LRRN2: variants seen among roughly 807,000 people sequenced by gnomAD.
The protein encoded by LRRN2 is leucine-rich repeat neuronal protein 2.
Under a neutral mutation model 35.7 loss-of-function variants are expected in LRRN2, and 10 were observed. The observed-to-expected ratio is 0.28, with a 90% CI of 0.17 to 0.47. The LOEUF (loss-of-function observed/expected upper bound fraction) is 0.47, where lower values mean the gene tolerates loss of function less well. LRRN2 is among the 20% of genes least tolerant of loss of function. The pLI is 0.99. For missense variants in LRRN2, 731 were observed against 940.3 expected (o/e 0.78, Z 2.91); for synonymous variants, 391 against 409.6 (o/e 0.95, Z 0.55).
intron 1 of LRRN2, among the ~76,000 whole-genome samples, chr1:204,641,013 A>AAC (rs897957789): frequency 6.6e-6 from 1 of 151,780 alleles, no homozygotes; most frequent in East Asian, 1.9e-4. Context: ...AAGAAAAAAA[A>AAC]AAAACAAAAA....
At chr1:204,638,423 T>TTTTTTTTTTTG (rs766566982) in intron 1 of LRRN2, among the ~76,000 whole-genome samples, 1 of 138,904 alleles carries the variant, frequency 7.2e-6, no homozygotes, top group African/African-American at 2.7e-5. Context: ...TTTTTTTTTT[T>TTTTTTTTTTTG]TTTTTTGAGA....
intron 1 of LRRN2, among the ~76,000 whole-genome samples, chr1:204,646,618 G>T (rs1038116090): frequency 6.6e-6 from 1 of 152,160 alleles, no homozygotes; most frequent in African/African-American, 2.4e-5. Context: ...TCATGGGCCA[G>T]TCCAAACTGA....
intron 1 of LRRN2, 163 bp from the exon 2 acceptor site, chr1:204,620,381 C>T (rs1249544004): frequency 1.1e-5 from 3 of 271,450 alleles, no homozygotes; most frequent in Non-Finnish European, 2.1e-5. Context: ...TCAAGCGATT[C>T]TCCTGGCTCA....
At chr1:204,651,820 A>C (rs917404664) in intron 1 of LRRN2, among the ~76,000 whole-genome samples, 1 of 152,148 alleles carries the variant, frequency 6.6e-6, no homozygotes, top group African/African-American at 2.4e-5. Context: ...CTAGCTGAGG[A>C]TAGGTGAGAA....
Position 204,685,352 on chromosome 1 carries a change from TGCCCGCGCGGCCGC to T in LRRN2, c.-273_-260del, listed in dbSNP as rs1380827040. On this transcript the variant is annotated 5_prime_UTR_variant, in exon 1 of 2. Transcript: ENST00000367177. ...GCGCCGGGCACCGTCTGCCGTCTGC[TGCCCGCGCGGCCGC>T]GCTCCGCTCGCCTTCCGCCCGGGGC... 3.3e-5 allele frequency: 5 copies of T among 151,630 alleles called. No homozygotes were observed. The highest frequency in any genetic ancestry group is 7.4e-5 in the Non-Finnish European group (5 of 67,942). The allele number at this position is 151,630 out of a possible 1,614,324, so 9.4% of individuals were successfully genotyped here. A position where few individuals can be genotyped will look rare whatever the true frequency, so the allele number is the denominator to read the frequency against.
At chr1:204,649,828 T>C (rs917969921) in intron 1 of LRRN2, among the ~76,000 whole-genome samples, 2 of 151,800 alleles carry the variant, frequency 1.3e-5, no homozygotes, top group African/African-American at 4.8e-5. Flanking sequence ...ACCATGGCAG[T>C]AGGGGGTATG....
At chr1:204,657,956 C>CTTAGCCAAT (rs1668395343) in intron 1 of LRRN2, among the ~76,000 whole-genome samples, 1 of 146,554 alleles carries the variant, frequency 6.8e-6, no homozygotes, top group Non-Finnish European at 1.5e-5. Flanking sequence ...TCTAGTAAGC[C>CTTAGCCAAT]TTAGCCAATG....
At chr1:204,666,409 C>T (rs1313735144) in intron 1 of LRRN2, among the ~76,000 whole-genome samples, 1 of 152,260 alleles carries the variant, frequency 6.6e-6, no homozygotes, top group Non-Finnish European at 1.5e-5. Flanking sequence ...TACCCTCATT[C>T]AGTTGAGCTT....
In LRRN2 at chr1:204,618,516, C is replaced by T; in HGVS notation, c.1477G>A (p.Gly493Arg). ...TTCTGGGCCACACAGGTGTATAGCC[C>T]TGCCTCTTCTGCTGTCACCCTCCGC... ...ELRRVTAEEA[G>R]LYTCVAQNLV... The change falls in exon 2 of 2, where the codon GGG becomes AGG. Residue 493 changes from glycine to arginine, a missense_variant. Around this residue, in one of 3 missense-constraint regions of LRRN2, gnomAD observed 256 missense variants for 392.4 expected, o/e 0.65. Transcript: ENST00000367177. 6.2e-7 allele frequency: 1 copy of T among 1,614,228 alleles called. No homozygotes were observed. Among genetic ancestry groups the T allele is most frequent in the Non-Finnish European group, 8.5e-7 (1 of 1,180,034 alleles).
intron 1 of LRRN2, chr1:204,620,981 CTGGGA>C (rs936488713): frequency 1.6e-4 from 27 of 167,054 alleles, no homozygotes; most frequent in African/African-American, 6.3e-4. Context: ...CTTCTAAAAT[CTGGGA>C]TGGGCTCCCC....
intron 1 of LRRN2, chr1:204,629,841 A>T (rs1434694930): frequency 6.6e-6 from 1 of 152,464 alleles, no homozygotes; most frequent in Non-Finnish European, 1.5e-5. Context: ...GTCCTAAGCA[A>T]ATTCACGTAG....
rs1558407588 is a variant in LRRN2, at chr1:204,631,254, T to TTATATATA, written c.-226-11037_-226-11036insTATATATA. On this transcript the variant is annotated intron_variant, in intron 1 of 1. Coordinates refer to ENST00000367177, the MANE Select transcript of LRRN2 (RefSeq NM_201630.2). ...ACCAAGAAGAGTGATACCTAGAGTG[T>TTATATATA]TCTATATATATATATATATATATAT... Among the ~76,000 whole-genome samples the TTATATATA allele has an allele frequency of 4.0e-4, 4 of 9,910 alleles. 1 individual carries two copies. The highest frequency in any genetic ancestry group is 1.0e-3 in the African/African-American group (4 of 3,942). 6.5% of individuals were successfully genotyped at this position (9,910 alleles called of 152,430 possible).
chr1:204,678,625 C>A (rs1668874810), intron 1 of LRRN2, among the ~76,000 whole-genome samples: 1 of 152,054 alleles, frequency 6.6e-6, no homozygotes, highest in African/African-American at 2.4e-5. Context: ...CCAGCCACGC[C>A]AGCCTCCACG....
At chr1:204,678,040 G>T (rs917596571) in intron 1 of LRRN2, among the ~76,000 whole-genome samples, 1 of 152,036 alleles carries the variant, frequency 6.6e-6, no homozygotes, top group African/African-American at 2.4e-5. Context: ...CTGCAGAGTC[G>T]AATCTACTCC....
rs994113278 is a variant in LRRN2, at chr1:204,617,698, G to A, written c.*153C>T. 3.5e-6 allele frequency: 3 copies of A among 853,808 alleles called. No homozygotes were observed. In the African/African-American group the frequency reaches 5.1e-5, roughly 14 times the overall value. The allele number at this position is 853,808 out of a possible 1,614,324, so 52.9% of individuals were successfully genotyped here. ...TTTCGAGGCTGCAGAAGCACCCCCAGGGCCACAAAGCCCCATCTGTCTTGG... is the reference window on the plus strand; with the variant it reads ...TTTCGAGGCTGCAGAAGCACCCCCAAGGCCACAAAGCCCCATCTGTCTTGG... On this transcript the variant is annotated 3_prime_UTR_variant, in exon 2 of 2. Transcript: ENST00000367177.
Position 204,618,500 on chromosome 1 carries a change from A to G in LRRN2, c.1493T>C (p.Val498Ala), listed in dbSNP as rs1206308577. The change falls in exon 2 of 2, where the codon GTG becomes GCG. Residue 498 changes from valine (V) to alanine (A), a missense_variant. By Grantham distance (64) the Val-to-Ala change is moderately conservative (BLOSUM62 0). Coordinates refer to ENST00000367177, the MANE Select transcript of LRRN2 (RefSeq NM_201630.2). ...TAEEAGLYTC[V>A]AQNLVGADTK... ...GTCAGCCCCCACCAGGTTCTGGGCCACACAGGTGTATAGCCCTGCCTCTTC... is the reference window on the plus strand; with the variant it reads ...GTCAGCCCCCACCAGGTTCTGGGCCGCACAGGTGTATAGCCCTGCCTCTTC... The G allele has an allele frequency of 6.2e-7, 1 of 1,614,242 alleles. No homozygotes were observed. The highest frequency in any genetic ancestry group is 1.7e-5 in the Admixed American group (1 of 60,032).
At chr1:204,623,095 G>A (rs943173925) in intron 1 of LRRN2, among the ~76,000 whole-genome samples, 1 of 152,120 alleles carries the variant, frequency 6.6e-6, no homozygotes, top group Non-Finnish European at 1.5e-5. Flanking sequence ...TGGGGAGGCA[G>A]GTTCAAAAAC....
chr1:204,661,477 A>G (rs979778055), intron 1 of LRRN2, among the ~76,000 whole-genome samples: 13 of 152,228 alleles, frequency 8.5e-5, no homozygotes, highest in African/African-American at 2.9e-4. Context: ...ACTTTCCTGT[A>G]CATAAGAATC....
rs1366835850 is a variant in LRRN2 at position 204,618,701 on chromosome 1, G to T, written c.1292C>A (p.Pro431Gln). The change falls in exon 2 of 2, where the codon CCA becomes CAA. Residue 431 changes from proline to glutamine, a missense_variant. Pro to Gln is a moderately conservative substitution (Grantham distance 76). Transcript: ENST00000367177. ...CTCTCCACTGGCTACCTGGAGGCTT[G>T]GGGGGAAGCTTCGTGGGGAGATGAG... Reference protein sequence around the residue: ...LPLISPRSFPPSLQVASGESM... With the variant: ...LPLISPRSFPQSLQVASGESM... 3.8e-6 allele frequency: 6 copies of T among 1,599,418 alleles called. No individual in the cohort carries two copies. Among genetic ancestry groups the T allele is most frequent in the East Asian group, 4.5e-5 (2 of 44,726 alleles).
Sources: gnomAD v4.1 joint callset for allele counts (sites outside exome capture counted in the v4.1 genomes callset) on GRCh38, gnomAD v4.1.1 for gene constraint, gnomAD v4.1.1 regional missense constraint, MANE v1.5 for transcripts, NCBI Gene and HGNC (gene_info 2026-07-23, HGNC 2026-07-21) for gene names.